PRKG1: variants seen among roughly 807,000 people sequenced by gnomAD.
PRKG1 encodes protein kinase cGMP-dependent 1.
PRKG1 carries 35 observed loss-of-function variants against 88.1 expected under a neutral mutation model. That is an observed-to-expected ratio of 0.40 (90% CI 0.30 to 0.53). The LOEUF (loss-of-function observed/expected upper bound fraction) is 0.53. Ranked by LOEUF, PRKG1 falls within the 20% of genes least tolerant of loss-of-function variation. The pLI is 0.59. For synonymous variants in PRKG1, 303 were observed against 292.5 expected, an observed-to-expected ratio of 1.04 and a Z score of -0.37; for missense variants, 540 against 839.8, an observed-to-expected ratio of 0.64 and a Z score of 4.41.
intron 7 of PRKG1, among the ~76,000 whole-genome samples, chr10:52,089,866 G>A (rs1202621257): frequency 1.5e-5 from 2 of 129,038 alleles, no homozygotes; most frequent in Non-Finnish European, 3.1e-5. Context: ...CTGGAGTGCA[G>A]TGGAGTGGCA....
intron 9 of PRKG1, 77 bp from the exon 10 acceptor site, chr10:52,251,493 C>A: frequency 9.1e-7 from 1 of 1,102,722 alleles, no homozygotes; most frequent in Non-Finnish European, 1.4e-6. Flanking sequence ...ACAGTCATGT[C>A]ATTCTGGTAC....
At chr10:52,046,211 C>A (rs527647713) in intron 5 of PRKG1, among the ~76,000 whole-genome samples, 1 of 151,962 alleles carries the variant, frequency 6.6e-6, no homozygotes, top group Non-Finnish European at 1.5e-5. Flanking sequence ...TGGAGAATGA[C>A]GCAATAAAAA....
intron 2 of PRKG1, chr10:51,299,502 C>T (rs1341611369): frequency 2.6e-5 from 12 of 461,872 alleles, no homozygotes; most frequent in Non-Finnish European, 3.6e-5. Context: ...CACCATGCCC[C>T]GCCTCTTTTT....
intron 1 of PRKG1, among the ~76,000 whole-genome samples, chr10:51,140,731 T>C (rs1230445818): frequency 6.6e-6 from 1 of 152,164 alleles, no homozygotes; most frequent in Non-Finnish European, 1.5e-5. Flanking sequence ...CCTCTCTCCA[T>C]TCTCTTTGTT....
chr10:51,369,206 T>G (rs1382876752), intron 2 of PRKG1, among the ~76,000 whole-genome samples: 2 of 152,188 alleles, frequency 1.3e-5, no homozygotes, highest in Admixed American at 6.5e-5. Flanking sequence ...TCTGTTGGGC[T>G]TCTATAAGAA....
intron 3 of PRKG1, among the ~76,000 whole-genome samples, chr10:51,718,474 A>G (rs1283599268): frequency 6.6e-6 from 1 of 152,172 alleles, no homozygotes; most frequent in Non-Finnish European, 1.5e-5. Context: ...CAGAAGGCTA[A>G]GGAGTTTGGA....
intron 3 of PRKG1, among the ~76,000 whole-genome samples, chr10:51,641,148 A>G (rs1781080109): frequency 1.3e-5 from 2 of 152,214 alleles, no homozygotes; most frequent in Non-Finnish European, 2.9e-5. Context: ...AAGATTAAAA[A>G]AAATTATCCT....
chr10:52,166,819 G>GTATATATATATGTATATATA (rs370403466), intron 9 of PRKG1, among the ~76,000 whole-genome samples: 2 of 55,314 alleles, frequency 3.6e-5, no homozygotes, highest in Non-Finnish European at 8.3e-5. Flanking sequence ...GTATATATAT[G>GTATATATATATGTATATATA]TATATATATG....
chr10:52,166,809 G>GTATATATATATATATACA (rs1329775053), intron 9 of PRKG1, among the ~76,000 whole-genome samples: 3 of 70,194 alleles, frequency 4.3e-5, no homozygotes, highest in Non-Finnish European at 6.8e-5. Context: ...ATATATATAT[G>GTATATATATATATATACA]TATATATATG....
chr10:51,970,180 GCAGTTAT>G (rs1843675290), intron 5 of PRKG1, among the ~76,000 whole-genome samples: 1 of 151,770 alleles, frequency 6.6e-6, no homozygotes, highest in South Asian at 2.1e-4. Context: ...TCAACATAGT[GCAGTTAT>G]CAGCTTCAGT....
intron 5 of PRKG1, among the ~76,000 whole-genome samples, chr10:51,917,528 A>G (rs929666774): frequency 2.6e-5 from 4 of 152,308 alleles, no homozygotes; most frequent in Admixed American, 2.6e-4. Flanking sequence ...TCAATGAAGG[A>G]AACTTTTGGG....
intron 1 of PRKG1, among the ~76,000 whole-genome samples, chr10:51,142,556 A>C (rs999645358): frequency 6.6e-5 from 10 of 152,126 alleles, no homozygotes; most frequent in African/African-American, 2.4e-4. Flanking sequence ...GAGATTATGA[A>C]TGAATGAATA....
At chr10:51,589,089 T>A (rs1267960053) in intron 3 of PRKG1, among the ~76,000 whole-genome samples, 1 of 152,118 alleles carries the variant, frequency 6.6e-6, no homozygotes. Flanking sequence ...AGACAGGCTA[T>A]AAGGGAATGC....
chr10:51,037,118 G>A lies in PRKG1; in HGVS notation c.266+45474G>A, dbSNP rs117209819. 2.6e-4 allele frequency among the ~76,000 whole-genome samples: 39 copies of A among 152,242 alleles called. 1 individual carries two copies. In the East Asian group the frequency reaches 7.5e-3, roughly 29 times the overall value. ...CCATTTAAATACTTAGCCTTAAGAA[G>A]AGAAGATATTTTACCAACACCTGAA... On this transcript the variant is annotated intron_variant, in intron 1 of 17. Coordinates refer to the PRKG1 transcript ENST00000401604.
At chr10:51,144,719 C>T (rs779059381) in intron 1 of PRKG1, among the ~76,000 whole-genome samples, 9 of 152,058 alleles carry the variant, frequency 5.9e-5, no homozygotes, top group East Asian at 1.9e-4. Flanking sequence ...TAAAGCCTTA[C>T]GCAAAACAAT....
At chr10:51,788,601 C>T (rs371058005) in intron 3 of PRKG1, among the ~76,000 whole-genome samples, 7 of 152,088 alleles carry the variant, frequency 4.6e-5, no homozygotes, top group Non-Finnish European at 7.4e-5. Context: ...AGAAAATAAA[C>T]GCCAAATAGT....
intron 9 of PRKG1, among the ~76,000 whole-genome samples, chr10:52,245,958 T>C (rs1841012945): frequency 6.6e-6 from 1 of 152,072 alleles, no homozygotes; most frequent in African/African-American, 2.4e-5. Flanking sequence ...GACTTTACTT[T>C]TAAATGGTAC....
At chr10:51,032,716 G>A (rs546215726) in intron 1 of PRKG1, among the ~76,000 whole-genome samples, 11 of 152,218 alleles carry the variant, frequency 7.2e-5, no homozygotes, top group Admixed American at 2.6e-4. Flanking sequence ...CTGAGACTGC[G>A]ACACTGCACT....
chr10:51,383,163 A>G (rs969276088), intron 2 of PRKG1, among the ~76,000 whole-genome samples: 4 of 152,144 alleles, frequency 2.6e-5, no homozygotes, highest in Non-Finnish European at 4.4e-5. Context: ...GAACAACACC[A>G]AAGTCTTGTT....
Sources: allele counts gnomAD v4.1 joint callset (sites outside exome capture counted in the v4.1 genomes callset), GRCh38; gene constraint gnomAD v4.1.1; transcripts MANE v1.5; gene names NCBI Gene and HGNC (gene_info 2026-07-23, HGNC 2026-07-21).